TJP1: variants seen among roughly 807,000 people sequenced by gnomAD.
The protein encoded by TJP1 is tight junction protein 1, also known as tight junction protein ZO-1.
A neutral mutation model predicts 194.2 loss-of-function variants in TJP1; 43 were observed. The observed-to-expected ratio is 0.22, with a 90% CI of 0.17 to 0.29. The LOEUF (loss-of-function observed/expected upper bound fraction) is 0.29, where lower values mean the gene tolerates loss of function less well. Among genes scored for constraint, TJP1 ranks in the 10% least tolerant of loss-of-function variants. The probability of loss-of-function intolerance (pLI) is 1.00; values close to 1 mark genes in which losing one functional copy is unlikely to be tolerated. For missense variants in TJP1, 1,971 were observed against 2,185.7 expected (o/e 0.90, Z 1.96); for synonymous variants, 801 against 779.0 (o/e 1.03, Z -0.47).
chr15:29,801,671 CG>C (rs1392717692), intron 1 of TJP1, among the ~76,000 whole-genome samples: 6 of 151,302 alleles, frequency 4.0e-5, no homozygotes, highest in Admixed American at 6.6e-5. Context: ...CCGTTTTAGC[CG>C]GGATGGTCTC....
At chr15:29,739,474 T>C (rs1264379452) in intron 10 of TJP1, among the ~76,000 whole-genome samples, 1 of 152,132 alleles carries the variant, frequency 6.6e-6, no homozygotes. Flanking sequence ...GATGGAGTTT[T>C]GCTCTGTCAC....
intron 2 of TJP1, among the ~76,000 whole-genome samples, chr15:29,853,984 T>C (rs1181271841): frequency 1.3e-5 from 2 of 152,154 alleles, no homozygotes; most frequent in Non-Finnish European, 2.9e-5. Context: ...CACCACTAGA[T>C]TTCCATGAAT....
intron 2 of TJP1, among the ~76,000 whole-genome samples, chr15:29,873,247 A>C (rs2052587153): frequency 6.6e-6 from 1 of 152,238 alleles, no homozygotes; most frequent in African/African-American, 2.4e-5. Flanking sequence ...ATTTCTTATT[A>C]AATAGACAAC....
At chr15:29,920,809 G>A (rs1216761850) in intron 2 of TJP1, among the ~76,000 whole-genome samples, 6 of 152,128 alleles carry the variant, frequency 3.9e-5, no homozygotes, top group African/African-American at 1.2e-4. Context: ...GTCATCATTC[G>A]CAACCTGAAG....
intron 2 of TJP1, 48 bp downstream of exon 2, chr15:29,800,598 C>T: frequency 6.3e-7 from 1 of 1,583,412 alleles, no homozygotes; most frequent in Non-Finnish European, 8.6e-7. Context: ...TTCAAAGCTG[C>T]CAGTATCCTG....
Position 29,726,470 on chromosome 15 carries a change from T to C in TJP1, c.2321A>G (p.Asn774Ser). Residue 774 changes from asparagine (N) to serine (S), a missense_variant, in exon 18 of 28, where the codon AAC (asparagine) becomes AGC (serine). This residue lies in a region of TJP1 where 402 missense variants were observed against 484.2 expected (regional missense o/e 0.83). Transcript: ENST00000614355. The stretch of plus-strand genomic sequence containing the variant: ...CCAACCATCATTCATTGAATTTAAG[T>C]TAATTGTAGCTGAAAATAAATTAAC... Reference protein sequence around the residue: ...NNHHLFTTTINLNSMNDGWYG... With the variant: ...NNHHLFTTTISLNSMNDGWYG... 6.2e-7 allele frequency: 1 copy of C among 1,614,006 alleles called. No individual in the cohort carries two copies.
intron 25 of TJP1, among the ~76,000 whole-genome samples, chr15:29,708,025 C>G (rs900198374): frequency 6.6e-5 from 10 of 151,866 alleles, no homozygotes; most frequent in African/African-American, 2.4e-4. Context: ...TGGTGAAAAC[C>G]TCTACTAAAA....
intron 2 of TJP1, among the ~76,000 whole-genome samples, chr15:29,796,506 T>A (rs1010435017): frequency 6.6e-6 from 1 of 151,862 alleles, no homozygotes; most frequent in African/African-American, 2.4e-5. Context: ...AAAACTACAA[T>A]ACATTAAAGA....
rs374655548 is a variant in TJP1, at chr15:29,927,235, G to A, written c.306+28997C>T. Among the ~76,000 whole-genome samples, 29 of 152,202 alleles carry A rather than the reference G, an allele frequency of 1.9e-4. No homozygotes were observed. In the East Asian group the frequency reaches 2.5e-3, roughly 13 times the overall value. ...TTCAGGAGGCTGAGGCAGGAGAATCGTTTGAACCTGGGAGGCAGAGGTTGC... is the reference window on the plus strand; with the variant it reads ...TTCAGGAGGCTGAGGCAGGAGAATCATTTGAACCTGGGAGGCAGAGGTTGC... On this transcript the variant is annotated intron_variant, in intron 2 of 28. Transcript: ENST00000356107.
At chr15:29,931,084 C>T (rs2054695653) in intron 2 of TJP1, among the ~76,000 whole-genome samples, 1 of 152,052 alleles carries the variant, frequency 6.6e-6, no homozygotes, top group South Asian at 2.1e-4. Flanking sequence ...TCGATTAACA[C>T]ATATTTTGTA....
At chr15:29,937,922 T>C (rs546051526) in intron 2 of TJP1, among the ~76,000 whole-genome samples, 1 of 152,352 alleles carries the variant, frequency 6.6e-6, no homozygotes, top group Admixed American at 6.5e-5. Context: ...AATTAAAATG[T>C]GGCCTGCCTC....
intron 16 of TJP1, 109 bp from the exon 17 acceptor site, chr15:29,727,100 T>A: frequency 2.1e-6 from 2 of 964,826 alleles, no homozygotes; most frequent in Admixed American, 2.3e-5. Context: ...TCCTAGCACT[T>A]TGGGAGGTCG....
intron 2 of TJP1, among the ~76,000 whole-genome samples, chr15:29,781,171 A>G (rs1226998504): frequency 6.6e-6 from 1 of 152,196 alleles, no homozygotes; most frequent in East Asian, 1.9e-4. Context: ...AATACAAGTA[A>G]CCATCAGAGA....
intron 20 of TJP1, 108 bp from the exon 21 acceptor site, chr15:29,719,246 T>C: frequency 1.6e-6 from 2 of 1,261,136 alleles, no homozygotes; most frequent in South Asian, 1.6e-5. Context: ...GAAAATGGTA[T>C]GTTTTACCAT....
chr15:29,865,113 G>A (rs960237497), intron 2 of TJP1, among the ~76,000 whole-genome samples: 1 of 152,090 alleles, frequency 6.6e-6, no homozygotes. Flanking sequence ...ATTTTAACAG[G>A]ATAAGCAATC....
At chr15:29,775,870 C>T (rs759515876) in intron 2 of TJP1, among the ~76,000 whole-genome samples, 1 of 152,024 alleles carries the variant, frequency 6.6e-6, no homozygotes, top group Non-Finnish European at 1.5e-5. Flanking sequence ...GGCCCAATTT[C>T]TGGAGAAAAA....
chr15:29,874,063 T>C (rs2052615935), intron 2 of TJP1, among the ~76,000 whole-genome samples: 1 of 152,012 alleles, frequency 6.6e-6, no homozygotes, highest in Non-Finnish European at 1.5e-5. Context: ...CCACGGGGAG[T>C]TGCACAGCTT....
intron 2 of TJP1, among the ~76,000 whole-genome samples, chr15:29,875,530 CA>C (rs1035275978): frequency 6.6e-6 from 1 of 152,110 alleles, no homozygotes; most frequent in African/African-American, 2.4e-5. Flanking sequence ...AATTCTCCCC[CA>C]AATACATGTT....
chr15:29,930,763 T>C (rs958879668), intron 2 of TJP1, among the ~76,000 whole-genome samples: 2 of 152,106 alleles, frequency 1.3e-5, no homozygotes, highest in African/African-American at 4.8e-5. Context: ...GCGTAAGGAT[T>C]GGAAAGGAAG....
Sources: gnomAD v4.1 joint callset for allele counts (sites outside exome capture counted in the v4.1 genomes callset) on GRCh38, gnomAD v4.1.1 for gene constraint, gnomAD v4.1.1 regional missense constraint, MANE v1.5 for transcripts, NCBI Gene and HGNC (gene_info 2026-07-23, HGNC 2026-07-21) for gene names.